The following WNK1 variants were observed in gnomAD, a reference collection of about 807,000 sequenced individuals.
WNK1 encodes the protein WNK lysine deficient protein kinase 1, also known as serine/threonine-protein kinase WNK1.
In WNK1, 38 loss-of-function variants were observed where a neutral mutation model predicts 222.8. The ratio of observed to expected loss-of-function variants is 0.17; its 90% CI spans 0.13 to 0.22. WNK1 has a LOEUF of 0.22. Among genes scored for constraint, WNK1 ranks in the 10% least tolerant of loss-of-function variants. The pLI is 1.00. For synonymous variants in WNK1, 1,090 were observed against 1,092.9 expected, an observed-to-expected ratio of 1.00 and a Z score of 0.05; for missense variants, 2,348 against 2,918.4, an observed-to-expected ratio of 0.80 and a Z score of 4.50.
chr12:891,571 T>A (rs878993417), intron 22 of WNK1, among the ~76,000 whole-genome samples: 2 of 151,642 alleles, frequency 1.3e-5, no homozygotes, highest in Admixed American at 1.3e-4. Context: ...CATAAAATAG[T>A]ACTATATGAA....
In WNK1 at chr12:791,063, C is replaced by T. The variant is rs541113900; in HGVS notation, c.760-22579C>T. Among the ~76,000 whole-genome samples the T allele has an allele frequency of 2.6e-5, 4 of 152,060 alleles. No individual in the cohort carries two copies. The East Asian group carries it at 5.8e-4, about 22-fold the overall frequency. On this transcript the variant is annotated intron_variant, in intron 1 of 27. Transcript: ENST00000315939. Reference sequence around the variant, plus strand: ...AATAGAAAATCTTCTAAACCCAAGACAGCTTGATATTTGAAAAAGGGGGTA... The same window carrying T: ...AATAGAAAATCTTCTAAACCCAAGATAGCTTGATATTTGAAAAAGGGGGTA...
rs777281074 is a variant in WNK1 at position 879,973 on chromosome 12, C to A, written c.2774C>A (p.Pro925Gln). The change falls in exon 11 of 28, where the codon CCA (proline) becomes CAA (glutamine). Residue 925 changes from proline (P) to glutamine (Q), a missense_variant. By Grantham distance (76) the Pro-to-Gln change is moderately conservative. Coordinates refer to ENST00000315939, the MANE Select transcript of WNK1 (RefSeq NM_018979.4). ...CCAGCAGTTCAGTCCATGGGAATAC[C>A]AGCTAACCTTGGACAAGCTGCTGAG... is the stretch of plus-strand genomic sequence containing the variant. The part of the protein sequence containing the change: ...LQPAVQSMGI[P>Q]ANLGQAAEVP... The A allele has an allele frequency of 6.2e-7, 1 of 1,614,146 alleles. No homozygotes were observed. The highest frequency in any genetic ancestry group is 8.5e-7 in the Non-Finnish European group (1 of 1,180,026).
Position 871,205 on chromosome 12 carries a change from G to T in WNK1, c.2140-60G>T. 3 of 1,479,382 alleles carry T rather than the reference G, an allele frequency of 2.0e-6. No homozygotes were observed. In the South Asian group the frequency reaches 3.4e-5, roughly 17 times the overall value. 91.6% of individuals were successfully genotyped at this position (1,479,382 alleles called of 1,614,324 possible). A position where few individuals can be genotyped will look rare whatever the true frequency, so the allele number is the denominator to read the frequency against. Reference sequence around the variant, plus strand: ...GATTAAATATTCATTGCAAAAGCCTGACCTCTATACACTTACTTTAGGCCT... The same window carrying T: ...GATTAAATATTCATTGCAAAAGCCTTACCTCTATACACTTACTTTAGGCCT... On this transcript the variant is annotated intron_variant, in intron 8 of 27. Coordinates refer to ENST00000315939, the MANE Select transcript of WNK1 (RefSeq NM_018979.4).
At chr12:905,954 T>G (rs954397562) in intron 26 of WNK1, among the ~76,000 whole-genome samples, 2 of 152,104 alleles carry the variant, frequency 1.3e-5, no homozygotes, top group African/African-American at 4.8e-5. Context: ...CAGCTTCACC[T>G]CAGAATTAGC....
At chr12:772,715 A>T (rs914023087) in intron 1 of WNK1, among the ~76,000 whole-genome samples, 8 of 152,226 alleles carry the variant, frequency 5.3e-5, no homozygotes, top group African/African-American at 1.9e-4. Context: ...GTTAGAACTA[A>T]ATCTAGTAAA....
At chr12:896,931 C>T (rs1954795946) in intron 24 of WNK1, among the ~76,000 whole-genome samples, 199 bp downstream of exon 24, 1 of 85,536 alleles carries the variant, frequency 1.2e-5, no homozygotes, top group Non-Finnish European at 2.4e-5. Flanking sequence ...CACACACACA[C>T]ACACACACGA....
chr12:835,495 G>T (rs368899345), intron 4 of WNK1, among the ~76,000 whole-genome samples: 1 of 152,306 alleles, frequency 6.6e-6, no homozygotes, highest in East Asian at 1.9e-4. Flanking sequence ...TTTACTTGGT[G>T]TATTTTCTAC....
At chr12:769,877 A>G (rs1942260253) in intron 1 of WNK1, among the ~76,000 whole-genome samples, 1 of 152,102 alleles carries the variant, frequency 6.6e-6, no homozygotes, top group African/African-American at 2.4e-5. Context: ...AGGGCAAGAG[A>G]GTGTGAACCC....
chr12:803,364 T>C (rs1271130782), intron 1 of WNK1, among the ~76,000 whole-genome samples: 1 of 152,244 alleles, frequency 6.6e-6, no homozygotes, highest in East Asian at 1.9e-4. Flanking sequence ...ATATCATTCA[T>C]GAATAAGTAA....
chr12:787,527 T>G (rs1033816006), intron 1 of WNK1, among the ~76,000 whole-genome samples: 1 of 152,238 alleles, frequency 6.6e-6, no homozygotes, highest in African/African-American at 2.4e-5. Context: ...GTGTCAGTTA[T>G]TAACAAAAGC....
chr12:887,395 C>G (rs1400579702), intron 20 of WNK1, 91 bp downstream of exon 20: 1 of 1,310,726 alleles, frequency 7.6e-7, no homozygotes, highest in Non-Finnish European at 1.1e-6. Context: ...TGGCTTTTGC[C>G]TATTTGTCTT....
intron 1 of WNK1, among the ~76,000 whole-genome samples, chr12:770,691 G>A (rs926181314): frequency 2.3e-4 from 35 of 152,054 alleles, no homozygotes; most frequent in African/African-American, 7.7e-4. Flanking sequence ...CTTTGCTGTT[G>A]CTGAACACAG....
At chr12:798,764 A>T (rs943878073) in intron 1 of WNK1, among the ~76,000 whole-genome samples, 16 of 150,834 alleles carry the variant, frequency 1.1e-4, no homozygotes, top group East Asian at 5.8e-4. Flanking sequence ...TTTCCTTTTT[A>T]AAAAAATCTG....
chr12:848,668 G>A (rs1484294258), intron 4 of WNK1, among the ~76,000 whole-genome samples: 1 of 151,958 alleles, frequency 6.6e-6, no homozygotes, highest in African/African-American at 2.4e-5. Flanking sequence ...ATCCAATGAT[G>A]ACTAAGGTTT....
Position 827,031 on chromosome 12 carries a change from G to T in WNK1, c.933-11G>T. ...ATTGATAACTTGTTTGGTATACTTT[G>T]CTTTTTCTAGGTATCTGAAAAGGTT... On this transcript the variant is annotated splice_polypyrimidine_tract_variant and intron_variant, in intron 2 of 27. Transcript: ENST00000315939. This position sits in a 1 kb window ranked among gnomAD's most constrained non-coding sequence, Gnocchi z 4.6. 6.2e-7 allele frequency: 1 copy of T among 1,609,696 alleles called. No individual in the cohort carries two copies. The highest frequency in any genetic ancestry group is 8.5e-7 in the Non-Finnish European group (1 of 1,177,414).
At chr12:888,380 AT>A (rs931460843) in intron 20 of WNK1, among the ~76,000 whole-genome samples, 2 of 152,232 alleles carry the variant, frequency 1.3e-5, no homozygotes, top group African/African-American at 4.8e-5. Context: ...TTATTTTCTC[AT>A]TTAAAAACAT....
rs114393761 is a variant in WNK1 at position 785,091 on chromosome 12, A to G, written c.760-28551A>G. Among the ~76,000 whole-genome samples the G allele has an allele frequency of 4.0e-3, 608 of 152,250 alleles. 4 individuals are homozygous for G. The highest frequency in any genetic ancestry group is 0.014 in the African/African-American group (564 of 41,538). ...ATTCTATTTTCTTCTAGCTTCCAGT[A>G]TTGCTGTTAAAGTCTGAGGCTAGTA... On this transcript the variant is annotated intron_variant, in intron 1 of 27. Coordinates refer to ENST00000315939, the MANE Select transcript of WNK1 (RefSeq NM_018979.4).
intron 1 of WNK1, among the ~76,000 whole-genome samples, chr12:777,425 T>G (rs940321410): frequency 6.6e-6 from 1 of 152,186 alleles, no homozygotes; most frequent in East Asian, 1.9e-4. Flanking sequence ...CCCAAAGTGC[T>G]GGGATTACAG....
chr12:862,670 A>G (rs1232467216), intron 8 of WNK1, among the ~76,000 whole-genome samples: 15 of 152,218 alleles, frequency 9.9e-5, no homozygotes, highest in Admixed American at 8.5e-4. Context: ...AAACACAGGT[A>G]AGACCTTCAA....
Sources: gnomAD v4.1 joint callset for allele counts (sites outside exome capture counted in the v4.1 genomes callset) on GRCh38, gnomAD v4.1.1 for gene constraint, Gnocchi (gnomAD v3.1) non-coding constraint, MANE v1.5 for transcripts, NCBI Gene and HGNC (gene_info 2026-07-23, HGNC 2026-07-21) for gene names.